Variants in COX16 observed in about 807,000 individuals in gnomAD.
The protein encoded by COX16 is cytochrome c oxidase assembly protein COX16 homolog, mitochondrial.
A neutral mutation model predicts 15.4 loss-of-function variants in COX16; 12 were observed. The ratio of observed to expected loss-of-function variants is 0.78; its 90% CI spans 0.50 to 1.26. The LOEUF is 1.26. Among genes scored for constraint, COX16 ranks in the 50% most tolerant of loss-of-function variants. The pLI is 0.00. For missense variants in COX16, 124 were observed against 127.6 expected, an observed-to-expected ratio of 0.97 and a Z score of 0.14; for synonymous variants, 46 against 41.1, an observed-to-expected ratio of 1.12 and a Z score of -0.46.
intron 1 of COX16, among the ~76,000 whole-genome samples, chr14:70,357,046 A>T (rs912815102): frequency 2.6e-5 from 4 of 151,158 alleles, no homozygotes; most frequent in African/African-American, 9.7e-5. Flanking sequence ...GAGAAATGTC[A>T]TCATTTCACC....
chr14:70,353,745 C>T (rs1374227291), intron 1 of COX16, among the ~76,000 whole-genome samples: 1 of 152,150 alleles, frequency 6.6e-6, no homozygotes, highest in African/African-American at 2.4e-5. Flanking sequence ...AAACTCCTGA[C>T]CTTGTGATCC....
At chr14:70,354,829 A>AGTGTGTGTGTGT (rs748587558) in intron 1 of COX16, among the ~76,000 whole-genome samples, 1 of 85,716 alleles carries the variant, frequency 1.2e-5, no homozygotes, top group African/African-American at 5.1e-5. Context: ...CTATGCATAG[A>AGTGTGTGTGTGT]GTGTGTGTGT....
chr14:70,351,310 T>A (rs1287186475), intron 1 of COX16, among the ~76,000 whole-genome samples: 1 of 152,090 alleles, frequency 6.6e-6, no homozygotes, highest in East Asian at 1.9e-4. Flanking sequence ...GTGCTTACCA[T>A]CTTGCACACT....
At chr14:70,356,723 T>G (rs1307031728) in intron 1 of COX16, among the ~76,000 whole-genome samples, 1 of 150,900 alleles carries the variant, frequency 6.6e-6, no homozygotes, top group South Asian at 2.1e-4. Flanking sequence ...GTGATATCAG[T>G]GACATGGTGG....
chr14:70,326,265 ATATT>A lies in COX16; in HGVS notation c.*64_*67del, dbSNP rs1464827300. On this transcript the variant is annotated 3_prime_UTR_variant, in exon 4 of 4. Transcript: ENST00000389912. ...TTTCCTTTCCACTTGATAGAAGTAT[ATATT>A]AGGAAGTCCAGTTAATAATATTTTT... 4.7e-6 allele frequency: 6 copies of A among 1,269,164 alleles called. No individual in the cohort carries two copies. The highest frequency in any genetic ancestry group is 6.2e-6 in the Non-Finnish European group (6 of 971,534). 78.6% of individuals were successfully genotyped at this position (1,269,164 alleles called of 1,614,324 possible). A position where few individuals can be genotyped will look rare whatever the true frequency, so the allele number is the denominator to read the frequency against.
intron 1 of COX16, among the ~76,000 whole-genome samples, chr14:70,351,581 CCTTTT>C (rs1466736646): frequency 5.9e-5 from 9 of 152,010 alleles, no homozygotes; most frequent in Non-Finnish European, 1.3e-4. Context: ...TATAATTAAG[CCTTTT>C]CTGTTTTTGA....
chr14:70,331,408 ATAG>A (rs954236758), intron 2 of COX16, among the ~76,000 whole-genome samples: 15 of 152,222 alleles, frequency 9.9e-5, no homozygotes, highest in East Asian at 3.9e-4. Context: ...CTCCTAAAAA[ATAG>A]TAGGAAAAAA....
Position 70,330,553 on chromosome 14 carries a change from C to T in COX16, c.142-1317G>A, listed in dbSNP as rs185983904. Among the ~76,000 whole-genome samples the T allele has an allele frequency of 1.8e-3, 268 of 152,210 alleles. 1 individual carries two copies. Among genetic ancestry groups the T allele is most frequent in the Non-Finnish European group, 1.6e-3 (112 of 67,986 alleles). On this transcript the variant is annotated intron_variant, in intron 2 of 3. Transcript: ENST00000389912. ...ATAACAGGCCAGCTTCATATATGAA[C>T]ACAAATGCAGAATTCTTAGTGTAAA...
At chr14:70,339,229 T>C (rs937585562) in intron 2 of COX16, among the ~76,000 whole-genome samples, 1 of 152,192 alleles carries the variant, frequency 6.6e-6, no homozygotes, top group African/African-American at 2.4e-5. Flanking sequence ...TTGTGGATCC[T>C]TGGTGGTTAG....
At chr14:70,339,157 G>A (rs1371972969) in intron 2 of COX16, among the ~76,000 whole-genome samples, 2 of 152,160 alleles carry the variant, frequency 1.3e-5, no homozygotes, top group Admixed American at 1.3e-4. Context: ...CAATTGCAAT[G>A]TACTTATATT....
chr14:70,332,637 C>T (rs1886325785), intron 2 of COX16, among the ~76,000 whole-genome samples: 1 of 152,228 alleles, frequency 6.6e-6, no homozygotes, highest in African/African-American at 2.4e-5. Context: ...CCCGAGGCAG[C>T]TCAGTCTCAG....
chr14:70,342,774 A>G (rs1460062022), intron 1 of COX16, 45 bp from the exon 2 acceptor site: 5 of 1,596,716 alleles, frequency 3.1e-6, no homozygotes, highest in African/African-American at 1.4e-5. Context: ...GAAGACCAGA[A>G]TTCAAATTCA....
At chr14:70,327,908 G>A (rs1352281769) in intron 3 of COX16, among the ~76,000 whole-genome samples, 2 of 151,946 alleles carry the variant, frequency 1.3e-5, no homozygotes, top group Non-Finnish European at 2.9e-5. Flanking sequence ...CCTGAGTGTG[G>A]AACAGCGTCA....
intron 3 of COX16, among the ~76,000 whole-genome samples, chr14:70,328,911 C>A (rs1886183677): frequency 6.6e-6 from 1 of 151,962 alleles, no homozygotes; most frequent in Admixed American, 6.6e-5. Context: ...TGACTCAAGA[C>A]AACAAACAAA....
chr14:70,339,511 A>G (rs1457541193), intron 2 of COX16, among the ~76,000 whole-genome samples: 2 of 152,038 alleles, frequency 1.3e-5, no homozygotes, highest in East Asian at 1.9e-4. Flanking sequence ...TCCTTTTCCA[A>G]ACTTCTCAAC....
At chr14:70,331,434 A>C (rs772990737) in intron 2 of COX16, among the ~76,000 whole-genome samples, 8 of 152,216 alleles carry the variant, frequency 5.3e-5, no homozygotes, top group Non-Finnish European at 4.4e-5. Context: ...CCAATAATCC[A>C]GTAGAAAAAA....
chr14:70,357,157 TCAAAAAAAAAAAA>T (rs1887149615), intron 1 of COX16, among the ~76,000 whole-genome samples: 1 of 33,964 alleles, frequency 2.9e-5, no homozygotes, highest in Non-Finnish European at 6.5e-5. Context: ...GAAGCGTTTG[TCAAAAAAAAAAAA>T]AAAAAAAAAA....
chr14:70,326,280 G>A lies in COX16; in HGVS notation c.*53C>T, dbSNP rs1195823917. 1.5e-6 allele frequency: 2 copies of A among 1,347,190 alleles called. No homozygotes were observed. Among genetic ancestry groups the A allele is most frequent in the Non-Finnish European group, 1.9e-6 (2 of 1,031,550 alleles). The allele number at this position is 1,347,190 out of a possible 1,614,324, so 83.5% of individuals were successfully genotyped here. ...ATAGAAGTATATATTAGGAAGTCCA[G>A]TTAATAATATTTTTATTTAAAAAAA... On this transcript the variant is annotated 3_prime_UTR_variant, in exon 4 of 4. Transcript: ENST00000389912.
intron 1 of COX16, among the ~76,000 whole-genome samples, chr14:70,357,948 T>G (rs543837453): frequency 2.6e-5 from 4 of 152,328 alleles, no homozygotes; most frequent in African/African-American, 9.6e-5. Context: ...TACATAAATG[T>G]TCATAGCAGC....
Sources: gnomAD v4.1 joint callset for allele counts (sites outside exome capture counted in the v4.1 genomes callset) on GRCh38, gnomAD v4.1.1 for gene constraint, MANE v1.5 for transcripts, NCBI Gene and HGNC (gene_info 2026-07-23, HGNC 2026-07-21) for gene names.